The following FBXW7 variants were observed in gnomAD, a reference collection of about 807,000 sequenced individuals.
FBXW7 encodes F-box and WD repeat domain containing 7, also known as F-box/WD repeat-containing protein 7.
In FBXW7, 11 loss-of-function variants were observed where a neutral mutation model predicts 86.3. The ratio of observed to expected loss-of-function variants is 0.13; its 90% CI spans 0.08 to 0.21. The LOEUF (loss-of-function observed/expected upper bound fraction) is 0.21. FBXW7 is among the 10% of genes least tolerant of loss of function. FBXW7 has a pLI of 1.00. For missense variants in FBXW7, 488 were observed against 847.4 expected (o/e 0.58, Z 5.27); for synonymous variants, 313 against 297.9 (o/e 1.05, Z -0.52).
intron 2 of FBXW7, among the ~76,000 whole-genome samples, chr4:152,528,708 T>C (rs1749749655): frequency 6.6e-6 from 1 of 152,194 alleles, no homozygotes; most frequent in South Asian, 2.1e-4. Flanking sequence ...TCACGTACTT[T>C]GAGAAAATAC....
chr4:152,402,351 G>C (rs184644814), intron 4 of FBXW7, among the ~76,000 whole-genome samples: 16 of 152,150 alleles, frequency 1.1e-4, no homozygotes, highest in Non-Finnish European at 1.8e-4. Flanking sequence ...AGAAATCAAA[G>C]GGCTTAAGAG....
intron 2 of FBXW7, among the ~76,000 whole-genome samples, chr4:152,523,652 A>C (rs978464470): frequency 3.3e-5 from 5 of 152,224 alleles, no homozygotes; most frequent in Admixed American, 3.3e-4. Context: ...GAGACAATAA[A>C]GCTAGTCTAT....
At chr4:152,501,802 A>C (rs1365173983) in intron 2 of FBXW7, among the ~76,000 whole-genome samples, 2 of 152,082 alleles carry the variant, frequency 1.3e-5, no homozygotes, top group Non-Finnish European at 2.9e-5. Flanking sequence ...ATGATGAAAC[A>C]GTCTTTAGAA....
At position 152,493,937 on chromosome 4, in the gene FBXW7, T is replaced by C. The variant is rs148333349; in HGVS notation, c.-120+41004A>G. ...TTGTTGGTATCATAAGCAAATACTA[T>C]TACAGTGGAATGAATAAACTAAACA... On this transcript the variant is annotated intron_variant, in intron 2 of 13. Transcript: ENST00000281708. Among the ~76,000 whole-genome samples the C allele has an allele frequency of 5.3e-5, 8 of 152,218 alleles. No homozygotes were observed. The East Asian group carries it at 1.5e-3, about 29-fold the overall frequency.
intron 2 of FBXW7, among the ~76,000 whole-genome samples, chr4:152,505,897 CA>C (rs1243103580): frequency 6.6e-6 from 1 of 151,920 alleles, no homozygotes; most frequent in Non-Finnish European, 1.5e-5. Flanking sequence ...TGCACCACCA[CA>C]CCCAGCTAAT....
chr4:152,451,173 G>C (rs984262549), intron 2 of FBXW7, among the ~76,000 whole-genome samples: 1 of 152,148 alleles, frequency 6.6e-6, no homozygotes, highest in Non-Finnish European at 1.5e-5. Context: ...GTACAGATAC[G>C]TTTTCAAAGA....
intron 2 of FBXW7, among the ~76,000 whole-genome samples, chr4:152,530,045 G>T (rs1467070843): frequency 7.4e-6 from 1 of 135,740 alleles, no homozygotes; most frequent in African/African-American, 2.8e-5. Flanking sequence ...GACAGAATGA[G>T]ACCCCGTCAC....
At chr4:152,512,716 T>G (rs1433602250) in intron 2 of FBXW7, among the ~76,000 whole-genome samples, 2 of 152,152 alleles carry the variant, frequency 1.3e-5, no homozygotes, top group African/African-American at 4.8e-5. Flanking sequence ...AGTAGATTAG[T>G]GGTTGCCAGG....
At chr4:152,371,016 G>A (rs994276809) in intron 4 of FBXW7, among the ~76,000 whole-genome samples, 2 of 151,728 alleles carry the variant, frequency 1.3e-5, no homozygotes, top group African/African-American at 2.4e-5. Flanking sequence ...ATAAAGAGAC[G>A]TGCTGCATCA....
intron 2 of FBXW7, among the ~76,000 whole-genome samples, chr4:152,428,726 G>A (rs1343657819): frequency 6.6e-6 from 1 of 152,186 alleles, no homozygotes; most frequent in East Asian, 1.9e-4. Context: ...GAGTTGTGTT[G>A]AGAATTGGTA....
chr4:152,455,221 CA>C (rs1742296726), intron 2 of FBXW7, among the ~76,000 whole-genome samples: 1 of 152,138 alleles, frequency 6.6e-6, no homozygotes, highest in Non-Finnish European at 1.5e-5. Context: ...AACAGAACTG[CA>C]AATGTATGTA....
At chr4:152,362,380 G>A (rs1413150301) in intron 4 of FBXW7, among the ~76,000 whole-genome samples, 1 of 152,134 alleles carries the variant, frequency 6.6e-6, no homozygotes, top group African/African-American at 2.4e-5. Flanking sequence ...GCAAAAGGAT[G>A]CTGAACTTTA....
chr4:152,516,668 T>G (rs181445448), intron 2 of FBXW7, among the ~76,000 whole-genome samples: 2 of 152,358 alleles, frequency 1.3e-5, no homozygotes, highest in East Asian at 3.8e-4. Context: ...GTGATGTAAT[T>G]CAATTTCACA....
chr4:152,462,986 T>C (rs997187968), intron 2 of FBXW7, among the ~76,000 whole-genome samples: 2 of 151,396 alleles, frequency 1.3e-5, no homozygotes, highest in Non-Finnish European at 2.9e-5. Flanking sequence ...ATTACTTGTA[T>C]CATTATAAAG....
chr4:152,447,951 A>G (rs1437080650), intron 2 of FBXW7, among the ~76,000 whole-genome samples: 1 of 152,218 alleles, frequency 6.6e-6, no homozygotes, highest in Non-Finnish European at 1.5e-5. Context: ...ATATGTTGAT[A>G]TTTAGCTAGG....
At chr4:152,344,993 A>G (rs778328165) in intron 6 of FBXW7, among the ~76,000 whole-genome samples, 1 of 152,206 alleles carries the variant, frequency 6.6e-6, no homozygotes, top group Non-Finnish European at 1.5e-5. Flanking sequence ...ATGATATGAA[A>G]TCAGTGAAAT....
chr4:152,326,560 A>T (rs913833872), intron 11 of FBXW7, among the ~76,000 whole-genome samples: 13 of 152,074 alleles, frequency 8.5e-5, no homozygotes, highest in African/African-American at 3.1e-4. Context: ...GCTGCCTCTA[A>T]ATATATACAA....
intron 2 of FBXW7, among the ~76,000 whole-genome samples, chr4:152,511,212 T>C (rs566823477): frequency 8.5e-5 from 13 of 152,098 alleles, no homozygotes; most frequent in African/African-American, 3.1e-4. Flanking sequence ...GCTCATAACA[T>C]GCAGTATGAA....
At chr4:152,357,337 T>A (rs80085149) in intron 4 of FBXW7, among the ~76,000 whole-genome samples, 4 of 151,754 alleles carry the variant, frequency 2.6e-5, no homozygotes, top group South Asian at 2.1e-4. Flanking sequence ...TTTTTTTTTT[T>A]AAAGACATAG....
Sources: gnomAD v4.1 joint callset for allele counts (sites outside exome capture counted in the v4.1 genomes callset) on GRCh38, gnomAD v4.1.1 for gene constraint, MANE v1.5 for transcripts, NCBI Gene and HGNC (gene_info 2026-07-23, HGNC 2026-07-21) for gene names.